Variants in AHI1 observed in about 807,000 individuals in gnomAD.
AHI1 encodes the protein Abelson helper integration site 1, also known as jouberin.
Under a neutral mutation model 149.3 loss-of-function variants are expected in AHI1, and 123 were observed. That is an observed-to-expected ratio of 0.82 (90% CI 0.71 to 0.96). The LOEUF (loss-of-function observed/expected upper bound fraction) is 0.96. Ranked by LOEUF, AHI1 falls within the 40% of genes least tolerant of loss-of-function variation. The pLI is 0.00. For missense variants in AHI1, 1,439 were observed against 1,422.7 expected, an observed-to-expected ratio of 1.01 and a Z score of -0.18; for synonymous variants, 475 against 459.8, an observed-to-expected ratio of 1.03 and a Z score of -0.42.
At chr6:135,420,531 G>C (rs1301931347) in intron 20 of AHI1, among the ~76,000 whole-genome samples, 2 of 152,124 alleles carry the variant, frequency 1.3e-5, no homozygotes, top group East Asian at 3.9e-4. Context: ...ACAGCTTCTA[G>C]ATCATCACTT....
At chr6:135,295,355 A>C (rs1239841136) in intron 27 of AHI1, among the ~76,000 whole-genome samples, 1 of 152,266 alleles carries the variant, frequency 6.6e-6, no homozygotes, top group African/African-American at 2.4e-5. Flanking sequence ...GCAGTTTCTT[A>C]AAAAGTTAAG....
rs371637724 is a variant in AHI1, at chr6:135,448,400, G to T, written c.1516C>A (p.Arg506=). Residue 506 remains arginine (R), a synonymous_variant, in exon 12 of 29, where the codon CGA becomes AGA. Transcript: ENST00000265602. The part of the protein sequence containing the change: ...LQLYYPPTKP[R]SPLSVVEAFE... ...GCCTCAACAACACTTAATGGGGATCGAGGCTTAGTAGGTGGGTAATATAGC... is the reference window on the plus strand; with the variant it reads ...GCCTCAACAACACTTAATGGGGATCTAGGCTTAGTAGGTGGGTAATATAGC... The T allele has an allele frequency of 1.2e-6, 2 of 1,605,336 alleles. No homozygotes were observed. Among genetic ancestry groups the T allele is most frequent in the South Asian group, 1.1e-5 (1 of 89,366 alleles).
At position 135,446,118 on chromosome 6, in the gene AHI1, T is replaced by G. The variant is rs546956580; in HGVS notation, c.1779+890A>C. ...GCCCAGGCTAAAAATCTATGTTATC[T>G]GACTGCTGTTATAGGCTGAATTGTG... is the stretch of plus-strand genomic sequence containing the variant. On this transcript the variant is annotated intron_variant, in intron 13 of 28. Coordinates refer to ENST00000265602, the MANE Select transcript of AHI1 (RefSeq NM_001134831.2). Among the ~76,000 whole-genome samples, 13 of 152,066 alleles carry G rather than the reference T, an allele frequency of 8.5e-5. No homozygotes were observed. In the South Asian group the frequency reaches 2.7e-3, roughly 32 times the overall value.
At chr6:135,333,455 C>A (rs1450159718) in intron 24 of AHI1, among the ~76,000 whole-genome samples, 1 of 151,900 alleles carries the variant, frequency 6.6e-6, no homozygotes, top group East Asian at 1.9e-4. Context: ...CAGGGACAAC[C>A]CTAAAGATAT....
rs138930808 is a variant in AHI1, at chr6:135,309,338, T to A, written c.3427-8780A>T. On this transcript the variant is annotated intron_variant, in intron 26 of 28. Transcript: ENST00000265602. The stretch of plus-strand genomic sequence containing the variant: ...CTAGACTCCAGAATAACACATATTA[T>A]TCAAATGTAAATAACATTTATATGA... Among the ~76,000 whole-genome samples the A allele has an allele frequency of 2.1e-4, 32 of 152,344 alleles. No individual in the cohort carries two copies. In the East Asian group the frequency reaches 5.2e-3, roughly 25 times the overall value.
chr6:135,489,394 CT>C (rs1489172885), intron 5 of AHI1, among the ~76,000 whole-genome samples: 1 of 152,138 alleles, frequency 6.6e-6, no homozygotes, highest in Non-Finnish European at 1.5e-5. Context: ...TTGTTCATGG[CT>C]CACAACTCCC....
chr6:135,315,983 T>C lies in AHI1; in HGVS notation c.3426+2536A>G, dbSNP rs545030986. On this transcript the variant is annotated intron_variant, in intron 26 of 28. Coordinates refer to ENST00000265602, the MANE Select transcript of AHI1 (RefSeq NM_001134831.2). ...TTCTTTGTTGAGGGGAGCTGTCCTC[T>C]GCATTCTAGGATACTGAGCAACATC... Among the ~76,000 whole-genome samples, 16 of 152,290 alleles carry C rather than the reference T, an allele frequency of 1.1e-4. No individual in the cohort carries two copies. The South Asian group carries it at 2.9e-3, about 28-fold the overall frequency.
intron 20 of AHI1, among the ~76,000 whole-genome samples, chr6:135,413,131 C>T (rs780324626): frequency 2.6e-5 from 4 of 151,866 alleles, no homozygotes; most frequent in African/African-American, 9.7e-5. Context: ...GAGTTTGAGA[C>T]CAGCCCTGGC....
At chr6:135,364,689 A>G (rs1238528464) in intron 23 of AHI1, among the ~76,000 whole-genome samples, 5 of 152,144 alleles carry the variant, frequency 3.3e-5, no homozygotes, top group Non-Finnish European at 7.4e-5. Flanking sequence ...TAGGAGCTGG[A>G]GACCAGCCCG....
chr6:135,352,699 G>A (rs1361780539), intron 24 of AHI1, among the ~76,000 whole-genome samples: 1 of 134,360 alleles, frequency 7.4e-6, no homozygotes, highest in Non-Finnish European at 1.5e-5. Flanking sequence ...CACATTGTGT[G>A]TGTATATATA....
At position 135,455,928 on chromosome 6, in the gene AHI1, T is replaced by C. The variant is rs753085250; in HGVS notation, c.1152-2A>G. On this transcript the variant is annotated splice_acceptor_variant, in intron 9 of 28. Transcript: ENST00000265602. LOFTEE classifies it high-confidence loss of function. ...TAGTAAGATGAAACAGGCCGTCCAC[T>C]GTACAAAAAAAGATACTTCCATTAA... 7.0e-7 allele frequency: 1 copy of C among 1,420,758 alleles called. No individual in the cohort carries two copies. Among genetic ancestry groups the C allele is most frequent in the Non-Finnish European group, 9.3e-7 (1 of 1,075,688 alleles). 88.0% of individuals were successfully genotyped at this position (1,420,758 alleles called of 1,614,324 possible).
intron 23 of AHI1, among the ~76,000 whole-genome samples, chr6:135,374,081 C>CATATATATATATATATATAT (rs1180224509): frequency 1.4e-4 from 7 of 50,300 alleles, no homozygotes; most frequent in Admixed American, 2.6e-4. Flanking sequence ...TTTATATATA[C>CATATATATATATATATATAT]ATATATATAT....
rs1356715760 is a variant in AHI1, at chr6:135,284,529, A to G, written c.*1116T>C. 1.3e-5 allele frequency: 2 copies of G among 152,224 alleles called. No homozygotes were observed. The highest frequency in any genetic ancestry group is 2.1e-4 in the South Asian group (1 of 4,832). The allele number at this position is 152,224 out of a possible 1,614,324, so 9.4% of individuals were successfully genotyped here. On this transcript the variant is annotated 3_prime_UTR_variant, in exon 29 of 29. Transcript: ENST00000265602. Reference sequence around the variant, plus strand: ...CAAAAAATGAATATCCCATTATAATATCAAACTTCAAAACATATAGTCTAT... The same window carrying G: ...CAAAAAATGAATATCCCATTATAATGTCAAACTTCAAAACATATAGTCTAT...
chr6:135,315,297 A>G (rs572810608), intron 26 of AHI1, among the ~76,000 whole-genome samples: 1 of 152,328 alleles, frequency 6.6e-6, no homozygotes, highest in East Asian at 1.9e-4. Flanking sequence ...CATCTGAGAT[A>G]CTAAATAAGC....
intron 23 of AHI1, among the ~76,000 whole-genome samples, chr6:135,370,939 T>C (rs1774962253): frequency 6.6e-6 from 1 of 152,316 alleles, no homozygotes; most frequent in South Asian, 2.1e-4. Flanking sequence ...CAGTAATAAA[T>C]ACATTTATTA....
chr6:135,409,231 T>C (rs1781237104), intron 21 of AHI1, among the ~76,000 whole-genome samples: 1 of 152,176 alleles, frequency 6.6e-6, no homozygotes, highest in African/African-American at 2.4e-5. Flanking sequence ...CATATATGTG[T>C]GTGTTTGTAT....
At chr6:135,404,406 C>T (rs1780458093) in intron 22 of AHI1, among the ~76,000 whole-genome samples, 1 of 152,194 alleles carries the variant, frequency 6.6e-6, no homozygotes, top group African/African-American at 2.4e-5. Flanking sequence ...GCAAATCACT[C>T]AACCTGAATA....
intron 23 of AHI1, among the ~76,000 whole-genome samples, chr6:135,393,083 A>G (rs1249997907): frequency 6.6e-6 from 1 of 152,132 alleles, no homozygotes; most frequent in African/African-American, 2.4e-5. Flanking sequence ...AGGGATATAA[A>G]TATCCCTCTT....
intron 23 of AHI1, among the ~76,000 whole-genome samples, chr6:135,358,860 A>G (rs1793407644): frequency 6.6e-6 from 1 of 152,244 alleles, no homozygotes; most frequent in African/African-American, 2.4e-5. Flanking sequence ...ATCTGTAAAG[A>G]TACTGGTTCA....
Sources: gnomAD v4.1 joint callset for allele counts (sites outside exome capture counted in the v4.1 genomes callset) on GRCh38, gnomAD v4.1.1 for gene constraint, MANE v1.5 for transcripts, NCBI Gene and HGNC (gene_info 2026-07-23, HGNC 2026-07-21) for gene names.